The following PCBP3 variants were observed in gnomAD, a reference collection of about 807,000 sequenced individuals.
PCBP3 encodes the protein poly(rC)-binding protein 3.
In PCBP3, 25 loss-of-function variants were observed where a neutral mutation model predicts 52.7. The ratio of observed to expected loss-of-function variants is 0.47; its 90% CI spans 0.35 to 0.66. The LOEUF is 0.66. PCBP3 is among the 30% of genes least tolerant of loss of function. The pLI is 0.01. For missense variants in PCBP3, 391 were observed against 490.3 expected, an observed-to-expected ratio of 0.80 and a Z score of 1.91; for synonymous variants, 162 against 183.0, an observed-to-expected ratio of 0.89 and a Z score of 0.93.
chr21:45,645,858 A>C (rs1205245466), intron 1 of PCBP3, among the ~76,000 whole-genome samples: 1 of 152,224 alleles, frequency 6.6e-6, no homozygotes, highest in African/African-American at 2.4e-5. Flanking sequence ...CCTCTCAGTG[A>C]AGAAGGCAGT....
At position 45,724,942 on chromosome 21, in the gene PCBP3, T is replaced by G. The variant is rs1459278584; in HGVS notation, c.-199-10450T>G. On this transcript the variant is annotated intron_variant, in intron 2 of 17. Coordinates refer to ENST00000681687, the MANE Select transcript of PCBP3 (RefSeq NM_001384156.1). The surrounding 1 kb of genome is among the most constrained non-coding windows in gnomAD (Gnocchi z 5.3). ...CCTCTATAACTTAAATGATGAAAGTTACAGATAATAGCTCAAATAAACTGT... is the reference window on the plus strand; with the variant it reads ...CCTCTATAACTTAAATGATGAAAGTGACAGATAATAGCTCAAATAAACTGT... 6.6e-6 allele frequency among the ~76,000 whole-genome samples: 1 copy of G among 152,184 alleles called. No homozygotes were observed. The highest frequency in any genetic ancestry group is 1.5e-5 in the Non-Finnish European group (1 of 68,028).
Position 45,805,900 on chromosome 21 carries a change from G to A in PCBP3, c.-125-44061G>A, listed in dbSNP as rs1414911799. Among the ~76,000 whole-genome samples, 1 of 152,174 alleles carries A rather than the reference G, an allele frequency of 6.6e-6. No individual in the cohort carries two copies. Among genetic ancestry groups the A allele is most frequent in the Admixed American group, 6.5e-5 (1 of 15,284 alleles). ...AGGAGGGCGAGAGCAGAGCTGGGGG[G>A]GCGGGCCATGAGGGGAAGTCCAGGC... is the stretch of plus-strand genomic sequence containing the variant. On this transcript the variant is annotated intron_variant, in intron 4 of 17. Coordinates refer to ENST00000681687, the MANE Select transcript of PCBP3 (RefSeq NM_001384156.1). The surrounding 1 kb of genome is among the most constrained non-coding windows in gnomAD (Gnocchi z 4.6).
intron 2 of PCBP3, among the ~76,000 whole-genome samples, chr21:45,722,144 C>T (rs190234329): frequency 1.3e-5 from 2 of 152,280 alleles, no homozygotes; most frequent in East Asian, 3.9e-4. Flanking sequence ...AGTTATTGTA[C>T]TTCACAACAC....
chr21:45,709,278 G>A (rs2083668627), intron 2 of PCBP3, among the ~76,000 whole-genome samples: 1 of 152,222 alleles, frequency 6.6e-6, no homozygotes. Flanking sequence ...GGGCAAGGCT[G>A]ACATTTTCTG....
intron 2 of PCBP3, among the ~76,000 whole-genome samples, chr21:45,718,164 TCTC>T (rs1326647247): frequency 6.6e-6 from 1 of 151,966 alleles, no homozygotes; most frequent in African/African-American, 2.4e-5. Context: ...GGTTGTGATG[TCTC>T]CTCTTTCATT....
At chr21:45,706,889 G>A (rs1263640227) in intron 2 of PCBP3, among the ~76,000 whole-genome samples, 2 of 152,182 alleles carry the variant, frequency 1.3e-5, no homozygotes, top group Non-Finnish European at 2.9e-5. Context: ...ATTTCTCTCT[G>A]CAACTTGGAT....
chr21:45,857,384 A>G (rs2094341489), intron 5 of PCBP3, among the ~76,000 whole-genome samples: 1 of 152,194 alleles, frequency 6.6e-6, no homozygotes, highest in Admixed American at 6.5e-5. Flanking sequence ...GAATATAGGC[A>G]AGAAAAAAAA....
chr21:45,825,209 C>T (rs1358760918), intron 4 of PCBP3, among the ~76,000 whole-genome samples: 1 of 152,156 alleles, frequency 6.6e-6, no homozygotes. Context: ...TTTGCGAGCT[C>T]CTGAGTGACT....
intron 5 of PCBP3, among the ~76,000 whole-genome samples, chr21:45,857,928 G>A (rs773502002): frequency 9.9e-5 from 15 of 152,244 alleles, no homozygotes; most frequent in East Asian, 5.8e-4. Flanking sequence ...CGGAGGTGTC[G>A]TGGGAGAGGC....
At chr21:45,871,959 C>T (rs2095043853) in intron 5 of PCBP3, 1 of 152,252 alleles carries the variant, frequency 6.6e-6, no homozygotes, top group South Asian at 2.1e-4. Flanking sequence ...TCCGTCCCCC[C>T]AGGGGACGGG....
chr21:45,754,120 T>A (rs1423241130), intron 3 of PCBP3, among the ~76,000 whole-genome samples: 3 of 152,212 alleles, frequency 2.0e-5, no homozygotes, highest in African/African-American at 7.2e-5. Context: ...TGAAATTGTT[T>A]TACCCAAGAC....
chr21:45,844,112 A>G (rs2093754943), intron 4 of PCBP3, among the ~76,000 whole-genome samples: 1 of 151,916 alleles, frequency 6.6e-6, no homozygotes, highest in Non-Finnish European at 1.5e-5. Context: ...TCTACCCAAA[A>G]TTGCAGGCCC....
intron 5 of PCBP3, among the ~76,000 whole-genome samples, chr21:45,891,249 A>C (rs1365726605): frequency 6.6e-6 from 1 of 152,242 alleles, no homozygotes; most frequent in Non-Finnish European, 1.5e-5. Flanking sequence ...TTGTGCTCCT[A>C]GGTGGTACCT....
intron 4 of PCBP3, among the ~76,000 whole-genome samples, chr21:45,818,311 G>A (rs1230075953): frequency 1.3e-5 from 2 of 152,154 alleles, no homozygotes; most frequent in African/African-American, 2.4e-5. Flanking sequence ...GTGAGCCACC[G>A]CGCCGGCCTG....
Position 45,889,243 on chromosome 21 carries a change from A to AG in PCBP3, c.11-6964dup, listed in dbSNP as rs539844240. ...GTGGAGAGAGGAGCTGTTAAATGTAAGTGCCCCGAGCTGCCGTCAGCAGCT... is the reference window on the plus strand; with the variant it reads ...GTGGAGAGAGGAGCTGTTAAATGTAAGGTGCCCCGAGCTGCCGTCAGCAGCT... On this transcript the variant is annotated intron_variant, in intron 5 of 17. Transcript: ENST00000681687. 1.1e-4 allele frequency among the ~76,000 whole-genome samples: 17 copies of AG among 152,296 alleles called. No homozygotes were observed. In the East Asian group the frequency reaches 3.1e-3, roughly 28 times the overall value.
chr21:45,700,164 C>T (rs2083027463), intron 2 of PCBP3, among the ~76,000 whole-genome samples: 1 of 152,174 alleles, frequency 6.6e-6, no homozygotes, highest in South Asian at 2.1e-4. Flanking sequence ...CTGGGTGCTT[C>T]TGCTCTGAGA....
chr21:45,911,656 A>G (rs2096397243), intron 11 of PCBP3, among the ~76,000 whole-genome samples: 1 of 152,184 alleles, frequency 6.6e-6, no homozygotes, highest in African/African-American at 2.4e-5. Flanking sequence ...AGCTATCAAC[A>G]GTTGCCAGTC....
chr21:45,778,929 G>A (rs1452639134), intron 4 of PCBP3, among the ~76,000 whole-genome samples: 2 of 152,138 alleles, frequency 1.3e-5, no homozygotes, highest in African/African-American at 4.8e-5. Context: ...ATCCTTGGTG[G>A]CCAAAGCCTG....
At chr21:45,742,427 T>C (rs1205939809) in intron 3 of PCBP3, among the ~76,000 whole-genome samples, 2 of 152,202 alleles carry the variant, frequency 1.3e-5, no homozygotes, top group Non-Finnish European at 2.9e-5. Context: ...AATGTCGTTT[T>C]CCCCCATGCT....
Sources: allele counts gnomAD v4.1 joint callset (sites outside exome capture counted in the v4.1 genomes callset), GRCh38; gene constraint gnomAD v4.1.1; non-coding constraint Gnocchi (gnomAD v3.1); transcripts MANE v1.5; gene names NCBI Gene and HGNC (gene_info 2026-07-23, HGNC 2026-07-21).